Variants in KCND2 observed in about 807,000 individuals in gnomAD.
The protein encoded by KCND2 is A-type voltage-gated potassium channel KCND2.
In KCND2, 16 loss-of-function variants were observed where a neutral mutation model predicts 54.4. The observed-to-expected ratio is 0.29, with a 90% confidence interval of 0.20 to 0.45. The LOEUF (loss-of-function observed/expected upper bound fraction) is 0.45. Ranked by LOEUF, KCND2 falls within the 20% of genes least tolerant of loss-of-function variation. The pLI is 1.00. For missense variants in KCND2, 486 were observed against 824.2 expected (o/e 0.59, Z 5.02); for synonymous variants, 317 against 310.7 (o/e 1.02, Z -0.21).
At chr7:120,549,675 GCTAA>G (rs1162134817) in intron 1 of KCND2, among the ~76,000 whole-genome samples, 4 of 152,192 alleles carry the variant, frequency 2.6e-5, no homozygotes, top group Non-Finnish European at 2.9e-5. Flanking sequence ...CATCCATCCT[GCTAA>G]CTGAGTAAAA....
At chr7:120,568,643 T>A (rs930879567) in intron 1 of KCND2, among the ~76,000 whole-genome samples, 1 of 152,154 alleles carries the variant, frequency 6.6e-6, no homozygotes, top group African/African-American at 2.4e-5. Flanking sequence ...AATGGATTAG[T>A]GCATGGGTTC....
chr7:120,575,110 G>T (rs1284286721), intron 1 of KCND2, among the ~76,000 whole-genome samples: 3 of 152,176 alleles, frequency 2.0e-5, no homozygotes, highest in East Asian at 3.9e-4. Context: ...ATAGATATTA[G>T]TATATAATAG....
chr7:120,417,787 G>C (rs1394138989), intron 1 of KCND2, among the ~76,000 whole-genome samples: 1 of 152,096 alleles, frequency 6.6e-6, no homozygotes, highest in African/African-American at 2.4e-5. Context: ...TTAATTTACA[G>C]TGTCAGTGGG....
intron 1 of KCND2, among the ~76,000 whole-genome samples, chr7:120,615,708 T>C (rs533047244): frequency 3.0e-4 from 46 of 152,352 alleles, no homozygotes; most frequent in African/African-American, 1.0e-3. Flanking sequence ...CTCTAGCAAA[T>C]TCTGCCTGTG....
chr7:120,518,619 TG>T (rs1478902799), intron 1 of KCND2, among the ~76,000 whole-genome samples: 1 of 152,166 alleles, frequency 6.6e-6, no homozygotes, highest in Non-Finnish European at 1.5e-5. Flanking sequence ...TAAAAAGCAA[TG>T]TTAGAACGAA....
At chr7:120,696,517 A>G (rs1792334050) in intron 1 of KCND2, among the ~76,000 whole-genome samples, 1 of 152,238 alleles carries the variant, frequency 6.6e-6, no homozygotes, top group Non-Finnish European at 1.5e-5. Flanking sequence ...GATCAATGCT[A>G]TGGTTTGAAC....
intron 1 of KCND2, among the ~76,000 whole-genome samples, chr7:120,572,494 T>A (rs1792378269): frequency 6.6e-6 from 1 of 152,102 alleles, no homozygotes; most frequent in African/African-American, 2.4e-5. Context: ...TTTATCACCA[T>A]TTAATAGTTT....
chr7:120,312,349 C>A (rs1278134532), intron 1 of KCND2, among the ~76,000 whole-genome samples: 3 of 151,856 alleles, frequency 2.0e-5, no homozygotes. Context: ...AATGAACATG[C>A]ACATACATGT....
At chr7:120,707,739 G>C (rs369118527) in intron 1 of KCND2, among the ~76,000 whole-genome samples, 1 of 152,022 alleles carries the variant, frequency 6.6e-6, no homozygotes, top group African/African-American at 2.4e-5. Flanking sequence ...GACAAGCAAG[G>C]CTGAAGTAGA....
At chr7:120,422,314 A>G (rs1436913711) in intron 1 of KCND2, among the ~76,000 whole-genome samples, 5 of 152,234 alleles carry the variant, frequency 3.3e-5, no homozygotes, top group African/African-American at 1.2e-4. Flanking sequence ...GAAACTCTGC[A>G]ATGAATTAAA....
intron 1 of KCND2, among the ~76,000 whole-genome samples, chr7:120,468,001 G>T (rs1802403798): frequency 6.6e-6 from 1 of 152,024 alleles, no homozygotes; most frequent in Non-Finnish European, 1.5e-5. Context: ...CATTAGTGTT[G>T]ATAAATGACA....
At chr7:120,507,692 C>G (rs577466230) in intron 1 of KCND2, among the ~76,000 whole-genome samples, 2 of 151,804 alleles carry the variant, frequency 1.3e-5, no homozygotes, top group Non-Finnish European at 2.9e-5. Flanking sequence ...TTCCTATACC[C>G]TCAGGCTCCT....
Position 120,500,545 on chromosome 7 carries a change from G to A in KCND2, c.1115+224798G>A, listed in dbSNP as rs1010949696. Among the ~76,000 whole-genome samples, 8 of 151,822 alleles carry A rather than the reference G, an allele frequency of 5.3e-5. No homozygotes were observed. In the East Asian group the frequency reaches 5.8e-4, roughly 11 times the overall value. On this transcript the variant is annotated intron_variant, in intron 1 of 5. Transcript: ENST00000331113. ...TATTTGTACTTCTTTGAAATTCTTC[G>A]TAAGACCACTATTTGGGCAAGATGT...
intron 1 of KCND2, among the ~76,000 whole-genome samples, chr7:120,519,997 T>C (rs1411731258): frequency 6.6e-6 from 1 of 152,118 alleles, no homozygotes; most frequent in Non-Finnish European, 1.5e-5. Flanking sequence ...TATCATAATA[T>C]TTGCATGAAG....
At chr7:120,476,891 C>A (rs1357501021) in intron 1 of KCND2, among the ~76,000 whole-genome samples, 1 of 152,194 alleles carries the variant, frequency 6.6e-6, no homozygotes, top group Non-Finnish European at 1.5e-5. Flanking sequence ...TGACTCTAAG[C>A]TTTTGCACCA....
chr7:120,700,307 A>G (rs571409273), intron 1 of KCND2, among the ~76,000 whole-genome samples: 6 of 152,202 alleles, frequency 3.9e-5, no homozygotes, highest in African/African-American at 7.2e-5. Context: ...GAAAATTCAT[A>G]TGGCTAATTC....
chr7:120,274,374 T>A lies in KCND2; in HGVS notation c.-259T>A. 1 of 565,752 alleles carries A rather than the reference T, an allele frequency of 1.8e-6. No individual in the cohort carries two copies. Among genetic ancestry groups the A allele is most frequent in the Non-Finnish European group, 3.2e-6 (1 of 315,708 alleles). 35.0% of individuals were successfully genotyped at this position (565,752 alleles called of 1,614,324 possible). A position where few individuals can be genotyped will look rare whatever the true frequency, so the allele number is the denominator to read the frequency against. ...GGCCTAGCCCACCTGCAGGAAGAGATTTGGCTGGGTTCTGTTGAGGGTGAT... is the reference window on the plus strand; with the variant it reads ...GGCCTAGCCCACCTGCAGGAAGAGAATTGGCTGGGTTCTGTTGAGGGTGAT... On this transcript the variant is annotated 5_prime_UTR_variant, in exon 1 of 6. Coordinates refer to ENST00000331113, the MANE Select transcript of KCND2 (RefSeq NM_012281.3).
At position 120,435,199 on chromosome 7, in the gene KCND2, C is replaced by T. The variant is rs190694396; in HGVS notation, c.1115+159452C>T. Among the ~76,000 whole-genome samples, 759 of 151,720 alleles carry T rather than the reference C, an allele frequency of 5.0e-3. 3 individuals are homozygous for T. The highest frequency in any genetic ancestry group is 0.017 in the African/African-American group (695 of 41,344). On this transcript the variant is annotated intron_variant, in intron 1 of 5. Coordinates refer to ENST00000331113, the MANE Select transcript of KCND2 (RefSeq NM_012281.3). The stretch of plus-strand genomic sequence containing the variant: ...TCTACTCATTGCAACCACCACCTCC[C>T]GGGTTCAAGTGATTCTCATGCCTCA...
chr7:120,571,683 T>G lies in KCND2; in HGVS notation c.1116-161220T>G, dbSNP rs935017913. 2.0e-5 allele frequency among the ~76,000 whole-genome samples: 3 copies of G among 152,222 alleles called. No homozygotes were observed. The South Asian group carries it at 6.2e-4, about 32-fold the overall frequency. The stretch of plus-strand genomic sequence containing the variant: ...TCTTTAAAAACCGCATAACTCTTTC[T>G]TAATGAAGCATCTTCCACAATATAC... On this transcript the variant is annotated intron_variant, in intron 1 of 5. Transcript: ENST00000331113.
Sources: gnomAD v4.1 joint callset for allele counts (sites outside exome capture counted in the v4.1 genomes callset) on GRCh38, gnomAD v4.1.1 for gene constraint, MANE v1.5 for transcripts, NCBI Gene and HGNC (gene_info 2026-07-23, HGNC 2026-07-21) for gene names.